The following FECH variants were observed in gnomAD, a reference collection of about 807,000 sequenced individuals.
FECH encodes ferrochelatase, mitochondrial.
FECH carries 40 observed loss-of-function variants against 56.9 expected under a neutral mutation model. The observed-to-expected ratio is 0.70, with a 90% CI of 0.55 to 0.92. The LOEUF is 0.92. FECH is among the 40% of genes least tolerant of loss of function. The pLI is 0.00. For missense variants in FECH, 431 were observed against 529.1 expected (o/e 0.81, Z 1.82); for synonymous variants, 175 against 198.6 (o/e 0.88, Z 1.00).
intron 7 of FECH, among the ~76,000 whole-genome samples, chr18:57,556,810 C>T (rs1294745066): frequency 1.4e-5 from 2 of 147,510 alleles, no homozygotes; most frequent in African/African-American, 2.5e-5. Flanking sequence ...ACTCGGGAGG[C>T]TGAGGTGAGA....
chr18:57,551,507 G>T, intron 9 of FECH, 133 bp from the exon 10 acceptor site: 1 of 712,796 alleles, frequency 1.4e-6, no homozygotes, highest in Non-Finnish European at 2.5e-6. Context: ...TCAACTGTTC[G>T]CAGACTGCTC....
In FECH at chr18:57,549,058, C is replaced by T. The variant is rs1025852071; in HGVS notation, c.*1654G>A. The T allele has an allele frequency of 1.3e-5, 2 of 152,120 alleles. No homozygotes were observed. Among genetic ancestry groups the T allele is most frequent in the Non-Finnish European group, 2.9e-5 (2 of 68,030 alleles). 9.4% of individuals were successfully genotyped at this position (152,120 alleles called of 1,614,324 possible). A position where few individuals can be genotyped will look rare whatever the true frequency, so the allele number is the denominator to read the frequency against. On this transcript the variant is annotated 3_prime_UTR_variant, in exon 11 of 11. Transcript: ENST00000262093. ...ACTCAAAGTCTACTGTGAACCTCATCCCCAAAAAGGTAATGGCAAAGGCTA... is the reference window on the plus strand; with the variant it reads ...ACTCAAAGTCTACTGTGAACCTCATTCCCAAAAAGGTAATGGCAAAGGCTA...
Position 57,550,795 on chromosome 18 carries a change from T to C in FECH, c.1189A>G (p.Lys397Glu). 6.2e-7 allele frequency: 1 copy of C among 1,614,142 alleles called. No individual in the cohort carries two copies. Among genetic ancestry groups the C allele is most frequent in the Non-Finnish European group, 8.5e-7 (1 of 1,180,018 alleles). Reference protein sequence around the residue: ...SHIQSNELCSKQLTLSCPLCV... With the variant: ...SHIQSNELCSEQLTLSCPLCV... The stretch of plus-strand genomic sequence containing the variant: ...AGCGGACAGCTCAGGGTCAGCTGCT[T>C]GGAACACAGCTCGTTTGACTGGATG... Residue 397 changes from lysine (K) to glutamate (E), a missense_variant, in exon 11 of 11, where the codon AAG becomes GAG. Transcript: ENST00000262093.
At chr18:57,572,772 GTTT>G (rs1363948430) in intron 3 of FECH, among the ~76,000 whole-genome samples, 2 of 151,778 alleles carry the variant, frequency 1.3e-5, no homozygotes, top group African/African-American at 4.8e-5. Context: ...ACTATTTGTA[GTTT>G]TTATCCCATG....
rs902132590 is a variant in FECH, at chr18:57,546,789, T to C, written c.*3923A>G. Among the ~76,000 whole-genome samples the C allele has an allele frequency of 2.0e-5, 3 of 151,006 alleles. No individual in the cohort carries two copies. The highest frequency in any genetic ancestry group is 2.1e-4 in the South Asian group (1 of 4,758). On this transcript the variant is annotated 3_prime_UTR_variant, in exon 11 of 11. Transcript: ENST00000262093. ...GCCTGACCAACATGGTCAGGCCCCA[T>C]CTCTACTAAAAATACAAAAATTAGC...
intron 7 of FECH, among the ~76,000 whole-genome samples, chr18:57,558,486 C>T (rs754770993): frequency 1.4e-4 from 21 of 152,188 alleles, no homozygotes; most frequent in Non-Finnish European, 2.6e-4. Context: ...GGATTGAGAG[C>T]GCTTGTCTGA....
chr18:57,560,759 T>C (rs1162786498), intron 6 of FECH, among the ~76,000 whole-genome samples: 1 of 152,234 alleles, frequency 6.6e-6, no homozygotes, highest in African/African-American at 2.4e-5. Flanking sequence ...TAAATGGTCC[T>C]TTGTAACTTT....
At chr18:57,562,391 A>C (rs1254274755) in intron 6 of FECH, among the ~76,000 whole-genome samples, 5 of 152,178 alleles carry the variant, frequency 3.3e-5, no homozygotes, top group Admixed American at 2.6e-4. Flanking sequence ...AGAAATATGA[A>C]ATTTCTTTTA....
intron 3 of FECH, 88 bp from the exon 4 acceptor site, chr18:57,571,628 C>A (rs1458748160): frequency 3.1e-6 from 5 of 1,600,754 alleles, no homozygotes; most frequent in East Asian, 2.2e-5. Flanking sequence ...AGAAAAAAAG[C>A]AAAATTTTAG....
intron 2 of FECH, among the ~76,000 whole-genome samples, chr18:57,574,020 T>A (rs2051152197): frequency 6.6e-6 from 1 of 152,258 alleles, no homozygotes; most frequent in Non-Finnish European, 1.5e-5. Context: ...ACATTTTATT[T>A]TTGAAATGGA....
chr18:57,573,069 T>C, intron 3 of FECH, 177 bp downstream of exon 3: 1 of 687,012 alleles, frequency 1.5e-6, no homozygotes, highest in Non-Finnish European at 2.5e-6. Flanking sequence ...TTATTTGCTC[T>C]CTCCCCCTGC....
At chr18:57,572,064 A>C (rs1437084556) in intron 3 of FECH, among the ~76,000 whole-genome samples, 2 of 152,364 alleles carry the variant, frequency 1.3e-5, no homozygotes, top group African/African-American at 4.8e-5. Flanking sequence ...CATATGATGC[A>C]GTTCTAAATA....
intron 9 of FECH, 117 bp downstream of exon 9, chr18:57,554,143 C>T: frequency 2.3e-6 from 2 of 863,816 alleles, no homozygotes. Flanking sequence ...AATGAGGACA[C>T]CGTACATGCA....
In FECH at chr18:57,547,146, A is replaced by C. The variant is rs1160153826; in HGVS notation, c.*3566T>G. Among the ~76,000 whole-genome samples, 1 of 152,028 alleles carries C rather than the reference A, an allele frequency of 6.6e-6. No homozygotes were observed. The highest frequency in any genetic ancestry group is 2.4e-5 in the African/African-American group (1 of 41,382). On this transcript the variant is annotated 3_prime_UTR_variant, in exon 11 of 11. Coordinates refer to ENST00000262093, the MANE Select transcript of FECH (RefSeq NM_000140.5). ...GTCACTAACTTGCTTTTAATGTTAC[A>C]GGCTCACAGGCAGAAGGGACTTGCC...
chr18:57,556,155 T>G (rs570781714), intron 7 of FECH, among the ~76,000 whole-genome samples: 5 of 152,172 alleles, frequency 3.3e-5, no homozygotes, highest in East Asian at 3.9e-4. Context: ...ATATATATAC[T>G]GACAAATTAT....
At chr18:57,572,977 T>C (rs1272122959) in intron 3 of FECH, 2 of 466,384 alleles carry the variant, frequency 4.3e-6, no homozygotes, top group Non-Finnish European at 7.8e-6. Context: ...TAAAAATCTT[T>C]AAAGGTACCT....
rs1209314959 is a variant in FECH at position 57,566,463 on chromosome 18, GTAC to G, written c.579_581del (p.Gln193_Tyr194delinsHis). 1 of 1,614,180 alleles carries G rather than the reference GTAC, an allele frequency of 6.2e-7. No individual in the cohort carries two copies. Among genetic ancestry groups the G allele is most frequent in the South Asian group, 1.1e-5 (1 of 91,078 alleles). Reference sequence around the variant, plus strand: ...TGCCCTTACCTGTGGTGGAGCAGCTGTACTGTGGATACTGTGTGAAAGCAATAG... The same window carrying G: ...TGCCCTTACCTGTGGTGGAGCAGCTGTGTGGATACTGTGTGAAAGCAATAG... On this transcript the variant is annotated inframe_deletion, in exon 5 of 11. Coordinates refer to ENST00000262093, the MANE Select transcript of FECH (RefSeq NM_000140.5).
chr18:57,566,471 G>A lies in FECH; in HGVS notation c.574C>T (p.Pro192Ser). ...LERAIAFTQY[P>S]QYSCSTTGSS... Reference sequence around the variant, plus strand: ...CCTGTGGTGGAGCAGCTGTACTGTGGATACTGTGTGAAAGCAATAGCCCTT... The same window carrying A: ...CCTGTGGTGGAGCAGCTGTACTGTGAATACTGTGTGAAAGCAATAGCCCTT... Residue 192 changes from proline to serine, a missense_variant, in exon 5 of 11, where the codon CCA becomes TCA. Physicochemically the swap from Pro to Ser is moderately conservative, Grantham distance 74. Coordinates refer to ENST00000262093, the MANE Select transcript of FECH (RefSeq NM_000140.5). The A allele has an allele frequency of 6.2e-7, 1 of 1,614,160 alleles. No individual in the cohort carries two copies. Among genetic ancestry groups the A allele is most frequent in the South Asian group, 1.1e-5 (1 of 91,076 alleles).
At chr18:57,575,411 C>T (rs566427057) in intron 2 of FECH, among the ~76,000 whole-genome samples, 1 of 152,064 alleles carries the variant, frequency 6.6e-6, no homozygotes, top group African/African-American at 2.4e-5. Context: ...TTTATGTGCT[C>T]GAAAACTAAA....
Sources: allele counts gnomAD v4.1 joint callset (sites outside exome capture counted in the v4.1 genomes callset), GRCh38; gene constraint gnomAD v4.1.1; transcripts MANE v1.5; gene names NCBI Gene and HGNC (gene_info 2026-07-23, HGNC 2026-07-21).